RBFOX1: variants seen among roughly 807,000 people sequenced by gnomAD.
The protein encoded by RBFOX1 is RNA binding protein fox-1 homolog 1.
A neutral mutation model predicts 57.7 loss-of-function variants in RBFOX1; 8 were observed. The observed-to-expected ratio is 0.14, with a 90% CI of 0.08 to 0.25. The LOEUF (loss-of-function observed/expected upper bound fraction) is 0.25, where lower values mean the gene tolerates loss of function less well. RBFOX1 is among the 10% of genes least tolerant of loss of function. RBFOX1 has a pLI of 1.00. For missense variants in RBFOX1, 611 were observed against 548.5 expected, an observed-to-expected ratio of 1.11 and a Z score of -1.14; for synonymous variants, 326 against 222.4, an observed-to-expected ratio of 1.47 and a Z score of -4.15.
chr16:6,259,102 A>G (rs1272516557), intron 1 of RBFOX1, among the ~76,000 whole-genome samples: 1 of 152,210 alleles, frequency 6.6e-6, no homozygotes, highest in East Asian at 1.9e-4. Context: ...CAGGAAATCT[A>G]GAGCTGAACA....
chr16:5,582,573 A>T (rs1315579776), intron 2 of RBFOX1, among the ~76,000 whole-genome samples: 2 of 114,416 alleles, frequency 1.7e-5, no homozygotes, highest in African/African-American at 8.2e-5. Context: ...TTTTTTTTTT[A>T]AACGGAGTCT....
At chr16:5,306,413 G>T (rs955790076) in intron 1 of RBFOX1, among the ~76,000 whole-genome samples, 10 of 151,260 alleles carry the variant, frequency 6.6e-5, no homozygotes, top group African/African-American at 1.9e-4. Context: ...TCCTCCTCCT[G>T]GGTTCTAGTG....
At chr16:6,265,849 C>G (rs1447672816) in intron 1 of RBFOX1, among the ~76,000 whole-genome samples, 1 of 152,184 alleles carries the variant, frequency 6.6e-6, no homozygotes, top group Non-Finnish European at 1.5e-5. Flanking sequence ...ATTCTTCTTG[C>G]TCCCTCTCCT....
At chr16:5,751,968 T>A (rs7200122) in intron 3 of RBFOX1, among the ~76,000 whole-genome samples, 3 of 152,090 alleles carry the variant, frequency 2.0e-5, no homozygotes, top group Non-Finnish European at 2.9e-5. Flanking sequence ...TAAAGATACA[T>A]GCATGTGTAT....
intron 13 of RBFOX1, among the ~76,000 whole-genome samples, chr16:7,668,769 GC>G: frequency 1.3e-5 from 2 of 152,108 alleles, no homozygotes. Context: ...GCTTAGTGGT[GC>G]ACCTTTAAAT....
chr16:5,636,690 A>G (rs1267539762), intron 3 of RBFOX1, among the ~76,000 whole-genome samples: 2 of 152,192 alleles, frequency 1.3e-5, no homozygotes, highest in Non-Finnish European at 2.9e-5. Flanking sequence ...ACCTGAGATC[A>G]TACCCTTGGA....
chr16:6,319,466 G>A (rs545544425), intron 2 of RBFOX1, among the ~76,000 whole-genome samples: 5 of 152,146 alleles, frequency 3.3e-5, no homozygotes, highest in African/African-American at 1.2e-4. Context: ...TACAACAATG[G>A]AAAGCTGAAT....
chr16:6,687,635 G>A lies in RBFOX1; in HGVS notation c.-16+32985G>A, dbSNP rs552063201. Among the ~76,000 whole-genome samples, 6 of 152,232 alleles carry A rather than the reference G, an allele frequency of 3.9e-5. 1 individual carries two copies. Among genetic ancestry groups the A allele is most frequent in the South Asian group, 4.1e-4 (2 of 4,820 alleles). On this transcript the variant is annotated intron_variant, in intron 3 of 15. Coordinates refer to ENST00000550418, the MANE Select transcript of RBFOX1 (RefSeq NM_018723.4). ...TCTATAAGAAGGTTCTCTTCCAAGG[G>A]GAAGTGCCAGGATTCAGGCTGCTCC...
chr16:6,854,934 G>C (rs2057546939), intron 3 of RBFOX1, among the ~76,000 whole-genome samples: 1 of 151,782 alleles, frequency 6.6e-6, no homozygotes, highest in African/African-American at 2.4e-5. Flanking sequence ...ATATGACAGA[G>C]GAGAACTTTG....
chr16:7,358,882 T>C (rs1297142764), intron 4 of RBFOX1, among the ~76,000 whole-genome samples: 1 of 152,210 alleles, frequency 6.6e-6, no homozygotes, highest in Non-Finnish European at 1.5e-5. Flanking sequence ...GGACAAGACA[T>C]GAGACAGTAA....
chr16:5,445,713 C>G (rs2068220291), intron 1 of RBFOX1, among the ~76,000 whole-genome samples: 1 of 152,166 alleles, frequency 6.6e-6, no homozygotes, highest in Non-Finnish European at 1.5e-5. Flanking sequence ...TCAGTGTTCA[C>G]ATTTTCAGAG....
At chr16:5,278,185 A>C (rs1306262291) in intron 1 of RBFOX1, among the ~76,000 whole-genome samples, 1 of 152,152 alleles carries the variant, frequency 6.6e-6, no homozygotes, top group African/African-American at 2.4e-5. Context: ...TTGTCTTTTT[A>C]ATAATAGCCA....
intron 3 of RBFOX1, among the ~76,000 whole-genome samples, chr16:6,659,089 TG>T (rs1170167355): frequency 6.6e-6 from 1 of 152,076 alleles, no homozygotes; most frequent in African/African-American, 2.4e-5. Flanking sequence ...GTGTTTCTGC[TG>T]GGGCACTGAA....
chr16:6,923,486 T>C (rs1410882221), intron 3 of RBFOX1, among the ~76,000 whole-genome samples: 2 of 151,994 alleles, frequency 1.3e-5, no homozygotes, highest in Non-Finnish European at 2.9e-5. Flanking sequence ...TGAGCCAATA[T>C]CACAACACTG....
intron 2 of RBFOX1, among the ~76,000 whole-genome samples, chr16:6,384,760 A>C (rs2152922797): frequency 1.3e-5 from 2 of 152,330 alleles, no homozygotes; most frequent in African/African-American, 4.8e-5. Flanking sequence ...TTAAAGACCA[A>C]GGCTTCAAGC....
intron 4 of RBFOX1, among the ~76,000 whole-genome samples, chr16:7,164,429 T>A (rs969645344): frequency 5.3e-5 from 8 of 152,204 alleles, no homozygotes; most frequent in Admixed American, 2.0e-4. Context: ...TAAACATACG[T>A]CTACAAGTGT....
At chr16:6,640,888 C>T (rs1247536758) in intron 2 of RBFOX1, among the ~76,000 whole-genome samples, 1 of 152,084 alleles carries the variant, frequency 6.6e-6, no homozygotes, top group East Asian at 1.9e-4. Context: ...GCAACATGAA[C>T]ATCAGAACAG....
chr16:6,211,713 T>C (rs1398125390), intron 1 of RBFOX1, among the ~76,000 whole-genome samples: 2 of 152,152 alleles, frequency 1.3e-5, no homozygotes, highest in African/African-American at 4.8e-5. Context: ...CTATTAAAAA[T>C]GGAAAGTTAC....
intron 2 of RBFOX1, among the ~76,000 whole-genome samples, chr16:6,535,547 C>T (rs1180331141): frequency 6.6e-6 from 1 of 152,208 alleles, no homozygotes; most frequent in Non-Finnish European, 1.5e-5. Context: ...GTTTATTCGT[C>T]AGTGTATCTT....
Sources: allele counts gnomAD v4.1 joint callset (sites outside exome capture counted in the v4.1 genomes callset), GRCh38; gene constraint gnomAD v4.1.1; transcripts MANE v1.5; gene names NCBI Gene and HGNC (gene_info 2026-07-23, HGNC 2026-07-21).